The following SEPTIN12 variants were observed in gnomAD, a reference collection of about 807,000 sequenced individuals.
The protein encoded by SEPTIN12 is septin-12.
Under a neutral mutation model 37.7 loss-of-function variants are expected in SEPTIN12, and 42 were observed. That is an observed-to-expected ratio of 1.11 (90% CI 0.87 to 1.44). The LOEUF is 1.44. Among genes scored for constraint, SEPTIN12 ranks in the 40% most tolerant of loss-of-function variants. The pLI, the probability that SEPTIN12 is intolerant of heterozygous loss-of-function variation, is 0.00. For missense variants in SEPTIN12, 613 were observed against 479.2 expected, an observed-to-expected ratio of 1.28 and a Z score of -2.61; for synonymous variants, 254 against 196.7, an observed-to-expected ratio of 1.29 and a Z score of -2.44.
chr16:4,783,277 T>A, intron 7 of SEPTIN12, 185 bp downstream of exon 7: 1 of 615,110 alleles, frequency 1.6e-6, no homozygotes, highest in Non-Finnish European at 2.9e-6. Context: ...TTTTCTCCGA[T>A]TCTGTGGGTT....
At chr16:4,790,790 GTAAATAAA>G (rs574580783), upstream of SEPTIN12, among the ~76,000 whole-genome samples, 1 of 152,014 alleles carries the variant, frequency 6.6e-6, no homozygotes, top group Non-Finnish European at 1.5e-5. Flanking sequence ...CCCTAGCTCA[GTAAATAAA>G]TAAATAAATA....
chr16:4,789,378 T>A (rs2082513569), upstream of SEPTIN12, among the ~76,000 whole-genome samples: 1 of 151,588 alleles, frequency 6.6e-6, no homozygotes, highest in African/African-American at 2.4e-5. Context: ...CAGGCTGGAG[T>A]TTAGTGGCAT....
intron 7 of SEPTIN12, among the ~76,000 whole-genome samples, chr16:4,782,029 C>A (rs2082378032): frequency 6.8e-6 from 1 of 146,630 alleles, no homozygotes; most frequent in Non-Finnish European, 1.5e-5. Context: ...CTGCTCACTG[C>A]AACCTTCACC....
rs781705431 is a variant in SEPTIN12 at position 4,784,075 on chromosome 16, C to T, written c.375-7G>A. The T allele has an allele frequency of 1.1e-5, 18 of 1,613,738 alleles. No homozygotes were observed. Among genetic ancestry groups the T allele is most frequent in the South Asian group, 5.5e-5 (5 of 91,072 alleles). ...GCCCAGGATGGGGTCCCAGCTGAGG[C>T]GGGAGGTGGACCCTCCCCTCAGAAC... On this transcript the variant is annotated splice_polypyrimidine_tract_variant and splice_region_variant and intron_variant, in intron 4 of 9. Coordinates refer to ENST00000268231, the MANE Select transcript of SEPTIN12 (RefSeq NM_144605.5).
chr16:4,789,402 T>C (rs2141887322), upstream of SEPTIN12, among the ~76,000 whole-genome samples: 1 of 152,002 alleles, frequency 6.6e-6, no homozygotes, highest in African/African-American at 2.4e-5. Flanking sequence ...CTCGGCTCAC[T>C]GTAAGCTCTG....
Position 4,785,980 on chromosome 16 carries a change from C to A in SEPTIN12, c.292G>T (p.Val98Phe). Reference protein sequence around the residue: ...QTLQLHSLTHVIEEKGVKLKL... With the variant: ...QTLQLHSLTHFIEEKGVKLKL... ...GAGGTGTGGGCAGGGGCTCACTCAC[C>A]ATGGGTCAGTGAATGCAGCTGCAGC... The change falls in exon 3 of 10, where the codon GTC becomes TTC. Residue 98 changes from valine (V) to phenylalanine (F), a missense_variant and splice_region_variant. Transcript: ENST00000268231. 2 of 1,612,742 alleles carry A rather than the reference C, an allele frequency of 1.2e-6. No homozygotes were observed. Among genetic ancestry groups the A allele is most frequent in the Non-Finnish European group, 1.7e-6 (2 of 1,179,250 alleles).
Position 4,779,742 on chromosome 16 carries a change from C to G in SEPTIN12, c.771G>C (p.Leu257=). The G allele has an allele frequency of 6.2e-7, 1 of 1,613,960 alleles. No homozygotes were observed. The highest frequency in any genetic ancestry group is 8.5e-7 in the Non-Finnish European group (1 of 1,179,860). Residue 257 remains leucine, a synonymous_variant, in exon 8 of 10, where the codon CTG becomes CTC. Coordinates refer to ENST00000268231, the MANE Select transcript of SEPTIN12 (RefSeq NM_144605.5). ...GGCCCAGGACACACCTCCCGTTCAC[C>G]AGGTGCTCTTGGTCAGCCCCTACCA... ...FAVVGADQEH[L]VNGRCVLGRK...
chr16:4,781,943 C>CTTTTTTTTTTTTTTTTT lies in SEPTIN12; in HGVS notation c.726+1502_726+1518dup, dbSNP rs571415645. Among the ~76,000 whole-genome samples the CTTTTTTTTTTTTTTTTT allele has an allele frequency of 1.1e-4, 5 of 47,446 alleles. 2 individuals carry two copies. The highest frequency in any genetic ancestry group is 2.1e-4 in the African/African-American group (2 of 9,434). The allele number at this position is 47,446 out of a possible 152,430, so 31.1% of individuals were successfully genotyped here. On this transcript the variant is annotated intron_variant, in intron 7 of 9. Coordinates refer to ENST00000268231, the MANE Select transcript of SEPTIN12 (RefSeq NM_144605.5). ...ACAGGTGTGAGCCACCGTGCCCGGC[C>CTTTTTTTTTTTTTTTTT]TTTTTTTTTTTTTTTTTTTTTTTTT...
At chr16:4,783,813 A>G in intron 5 of SEPTIN12, 47 bp from the exon 6 acceptor site, 1 of 1,602,548 alleles carries the variant, frequency 6.2e-7, no homozygotes, top group Non-Finnish European at 8.5e-7. Context: ...TGGTGAGTGT[A>G]TAAACGACAG....
At chr16:4,785,059 C>T (rs376429937) in intron 4 of SEPTIN12, among the ~76,000 whole-genome samples, 1 of 152,078 alleles carries the variant, frequency 6.6e-6, no homozygotes, top group African/African-American at 2.4e-5. Context: ...CCAGCCTGGC[C>T]AACGTGGTGA....
chr16:4,781,136 A>G (rs2082367307), intron 7 of SEPTIN12, among the ~76,000 whole-genome samples: 1 of 149,220 alleles, frequency 6.7e-6, no homozygotes, highest in Non-Finnish European at 1.5e-5. Context: ...TTGTGCACCT[A>G]TAGTCCCAGC....
At chr16:4,790,516 G>A (rs2082535640), upstream of SEPTIN12, among the ~76,000 whole-genome samples, 2 of 152,158 alleles carry the variant, frequency 1.3e-5, no homozygotes, top group Admixed American at 6.6e-5. Context: ...TCAGCCAGGT[G>A]CGTTGACTCA....
intron 7 of SEPTIN12, 28 bp downstream of exon 7, chr16:4,783,434 G>C: frequency 6.4e-7 from 1 of 1,555,502 alleles, no homozygotes; most frequent in South Asian, 1.1e-5. Flanking sequence ...AAATCACCTC[G>C]CCCGCCTCCC....
At chr16:4,787,710 G>T (rs2082481388) in intron 1 of SEPTIN12, 43 bp from the exon 2 acceptor site, 2 of 820,828 alleles carry the variant, frequency 2.4e-6, no homozygotes, top group Non-Finnish European at 3.9e-6. Context: ...CTGGGGCTCA[G>T]AGGAGCCCAC....
chr16:4,777,706 G>GCTCACAT lies in SEPTIN12; in HGVS notation c.*84_*90dup. 1.0e-6 allele frequency: 1 copy of GCTCACAT among 954,798 alleles called. No individual in the cohort carries two copies. Among genetic ancestry groups the GCTCACAT allele is most frequent in the Admixed American group, 3.1e-5 (1 of 32,776 alleles). The allele number at this position is 954,798 out of a possible 1,614,324, so 59.1% of individuals were successfully genotyped here. ...AGCACAGCTTTTCATAAAAAGCAAG[G>GCTCACAT]CTCACATTTAATAGATGCTCTGGTA... is the stretch of plus-strand genomic sequence containing the variant. On this transcript the variant is annotated 3_prime_UTR_variant, in exon 10 of 10. Coordinates refer to ENST00000268231, the MANE Select transcript of SEPTIN12 (RefSeq NM_144605.5).
At chr16:4,783,204 C>T (rs560601310) in intron 7 of SEPTIN12, 8 of 478,198 alleles carry the variant, frequency 1.7e-5, no homozygotes, top group East Asian at 1.2e-4. Flanking sequence ...CCACTGTGCC[C>T]GGCCCAATGT....
At chr16:4,781,691 C>G (rs1035813235) in intron 7 of SEPTIN12, among the ~76,000 whole-genome samples, 1 of 148,956 alleles carries the variant, frequency 6.7e-6, no homozygotes, top group African/African-American at 2.5e-5. Flanking sequence ...CTTGCCCAGG[C>G]TGGGGTGCAA....
In SEPTIN12 at chr16:4,786,065, C is replaced by G. The variant is rs1212453211; in HGVS notation, c.207G>C (p.Leu69=). 10 of 1,613,814 alleles carry G rather than the reference C, an allele frequency of 6.2e-6. No homozygotes were observed. Among genetic ancestry groups the G allele is most frequent in the Admixed American group, 1.7e-5 (1 of 59,970 alleles). Reference sequence around the variant, plus strand: ...TTGACTTCCACACTTTGGACTTGAACAGCGTGTTCACCATCGTGGACTTGC... The same window carrying G: ...TTGACTTCCACACTTTGGACTTGAAGAGCGTGTTCACCATCGTGGACTTGC... ...GLGKSTMVNT[L]FKSKVWKSNP... The change falls in exon 3 of 10, where the codon CTG becomes CTC. Residue 69 remains leucine (L), a synonymous_variant. Coordinates refer to ENST00000268231, the MANE Select transcript of SEPTIN12 (RefSeq NM_144605.5).
At chr16:4,787,810 G>A (rs1030276319) in intron 1 of SEPTIN12, 143 bp from the exon 2 acceptor site, 156 of 595,870 alleles carry the variant, frequency 2.6e-4, no homozygotes, top group Middle Eastern at 1.4e-3. Context: ...CTAAGTGCCT[G>A]TAGTCCCAGG....
Sources: allele counts gnomAD v4.1 joint callset (sites outside exome capture counted in the v4.1 genomes callset), GRCh38; gene constraint gnomAD v4.1.1; transcripts MANE v1.5; gene names NCBI Gene and HGNC (gene_info 2026-07-23, HGNC 2026-07-21).